Variants in ATIC observed in about 807,000 individuals in gnomAD.
ATIC encodes bifunctional purine biosynthesis protein ATIC.
ATIC carries 64 observed loss-of-function variants against 72.5 expected under a neutral mutation model. That is an observed-to-expected ratio of 0.88 (90% CI 0.72 to 1.09). The LOEUF (loss-of-function observed/expected upper bound fraction) is 1.09. Among genes scored for constraint, ATIC ranks in the 50% least tolerant of loss-of-function variants. ATIC has a pLI of 0.00. For synonymous variants in ATIC, 281 were observed against 267.1 expected (o/e 1.05, Z -0.51); for missense variants, 787 against 732.4 (o/e 1.07, Z -0.86).
intron 2 of ATIC, among the ~76,000 whole-genome samples, chr2:215,317,787 C>G (rs893863908): frequency 1.3e-5 from 2 of 152,070 alleles, no homozygotes; most frequent in Non-Finnish European, 2.9e-5. Context: ...CCGTGCCCGG[C>G]CAAGGATATT....
At chr2:215,332,619 A>G (rs1164555148) in intron 8 of ATIC, 112 bp downstream of exon 8, 7 of 1,366,984 alleles carry the variant, frequency 5.1e-6, no homozygotes, top group Non-Finnish European at 6.9e-6. Context: ...ATGAAATCTG[A>G]AAGTCATCTG....
chr2:215,323,261 T>A (rs1049482082), intron 4 of ATIC, among the ~76,000 whole-genome samples: 21 of 152,190 alleles, frequency 1.4e-4, no homozygotes, highest in East Asian at 3.9e-4. Context: ...TCGTTTTTTT[T>A]ATTCAAGATG....
In ATIC at chr2:215,325,259, C is replaced by G. The variant is rs772678539; in HGVS notation, c.309C>G (p.Leu103=). The G allele has an allele frequency of 1.2e-5, 20 of 1,613,686 alleles. No homozygotes were observed. The highest frequency in any genetic ancestry group is 1.4e-5 in the Non-Finnish European group (16 of 1,179,754). ...TTTATAGAGTTGTTGCCTGCAATCT[C>G]TATCCCTTTGTAAAGACAGTGGCTT... The part of the protein sequence containing the change: ...FNLIRVVACN[L]YPFVKTVASP... The change falls in exon 5 of 16, where the codon CTC becomes CTG. Residue 103 remains leucine (L), a synonymous_variant. Transcript: ENST00000236959.
intron 7 of ATIC, among the ~76,000 whole-genome samples, chr2:215,330,671 C>T (rs1575119120): frequency 6.6e-6 from 1 of 151,994 alleles, no homozygotes. Flanking sequence ...CCTTTCCCTT[C>T]TCCCCAACCC....
At chr2:215,366,448 A>C in the ATIC span, among the ~76,000 whole-genome samples, 2 of 152,310 alleles carry the variant, frequency 1.3e-5, no homozygotes, top group South Asian at 4.1e-4. Context: ...AAGAGTAAAA[A>C]ATGAACCCGG....
In ATIC at chr2:215,325,250, C is replaced by T. The variant is rs774089396; in HGVS notation, c.300C>T (p.Ala100=). The T allele has an allele frequency of 3.1e-6, 5 of 1,613,384 alleles. No individual in the cohort carries two copies. Among genetic ancestry groups the T allele is most frequent in the Admixed American group, 3.3e-5 (2 of 60,004 alleles). ...RLDFNLIRVV[A]CNLYPFVKTV... The stretch of plus-strand genomic sequence containing the variant: ...CGTCTTTGTTTTATAGAGTTGTTGC[C>T]TGCAATCTCTATCCCTTTGTAAAGA... Residue 100 remains alanine (A), a synonymous_variant, in exon 5 of 16, where the codon GCC becomes GCT. Transcript: ENST00000236959.
At chr2:215,358,813 A>G in the ATIC span, among the ~76,000 whole-genome samples, 3 of 152,254 alleles carry the variant, frequency 2.0e-5, no homozygotes, top group Non-Finnish European at 2.9e-5. Context: ...TTACATTTCA[A>G]CATAAAAGTA....
intron 11 of ATIC, among the ~76,000 whole-genome samples, chr2:215,336,982 T>G (rs1014369792): frequency 1.3e-5 from 2 of 152,194 alleles, no homozygotes; most frequent in Admixed American, 1.3e-4. Context: ...GTTTTAACAT[T>G]GTGTGTGGTA....
At chr2:215,361,859 T>TTG in the ATIC span, 1 of 1,440,600 alleles carries the variant, frequency 6.9e-7, no homozygotes. Flanking sequence ...CATTTATGAG[T>TTG]TGTTTTTTTT....
chr2:215,341,934 T>G (rs2053023782), intron 12 of ATIC, among the ~76,000 whole-genome samples: 1 of 152,160 alleles, frequency 6.6e-6, no homozygotes, highest in Non-Finnish European at 1.5e-5. Context: ...TCAGGAATCT[T>G]ATAATCATGG....
chr2:215,338,520 G>A (rs1156693540), intron 11 of ATIC, among the ~76,000 whole-genome samples: 2 of 152,056 alleles, frequency 1.3e-5, no homozygotes, highest in South Asian at 2.1e-4. Context: ...ATACTATTGG[G>A]TAGTAAAATC....
the ATIC span, chr2:215,361,534 C>A: frequency 6.5e-7 from 1 of 1,535,282 alleles, no homozygotes; most frequent in East Asian, 2.2e-5. Context: ...CATGCTTGTT[C>A]CTCTGGATTG....
chr2:215,338,092 TA>T (rs2052976915), intron 11 of ATIC, among the ~76,000 whole-genome samples: 1 of 152,222 alleles, frequency 6.6e-6, no homozygotes, highest in African/African-American at 2.4e-5. Context: ...CAGGGCTTTC[TA>T]AATCAAAGAT....
chr2:215,346,825 A>T lies in ATIC; in HGVS notation c.1387A>T (p.Asn463Tyr). The stretch of plus-strand genomic sequence containing the variant: ...CACTCGCCTTGCAGGAGATAAGGCA[A>T]ACTATTGGTGGCTTAGACACCATCC... ...HCTRLAGDKA[N>Y]YWWLRHHPQV... The change falls in exon 14 of 16, where the codon AAC becomes TAC. Residue 463 changes from asparagine (N) to tyrosine (Y), a missense_variant. Physicochemically the swap from Asn to Tyr is moderately radical, Grantham distance 143. Coordinates refer to ENST00000236959, the MANE Select transcript of ATIC (RefSeq NM_004044.7). 6.2e-7 allele frequency: 1 copy of T among 1,614,214 alleles called. No individual in the cohort carries two copies. The highest frequency in any genetic ancestry group is 8.5e-7 in the Non-Finnish European group (1 of 1,180,044).
intron 4 of ATIC, among the ~76,000 whole-genome samples, chr2:215,321,250 C>A (rs1212683882): frequency 1.3e-5 from 2 of 151,860 alleles, no homozygotes; most frequent in Non-Finnish European, 2.9e-5. Flanking sequence ...TTTTTTTGTT[C>A]CTGGCTTCTT....
intron 7 of ATIC, among the ~76,000 whole-genome samples, chr2:215,331,750 C>G (rs959568881): frequency 9.9e-5 from 15 of 152,080 alleles, no homozygotes; most frequent in African/African-American, 3.4e-4. Context: ...TGTTTATTCA[C>G]AAGAGATACT....
intron 15 of ATIC, 67 bp downstream of exon 15, chr2:215,349,316 G>T (rs1246033959): frequency 1.2e-6 from 2 of 1,608,188 alleles, no homozygotes. Flanking sequence ...CAGAAATCCT[G>T]CTTTTGATTT....
chr2:215,312,591 C>T lies in ATIC; in HGVS notation c.113C>T (p.Ala38Val), dbSNP rs1382466632. ...GLNLVASGGT[A>V]KALRDAGLAV... Reference sequence around the variant, plus strand: ...AATCTGGTCGCTTCCGGAGGGACTGCAAAAGCTCTCAGGGATGCTGGTCTG... The same window carrying T: ...AATCTGGTCGCTTCCGGAGGGACTGTAAAAGCTCTCAGGGATGCTGGTCTG... Residue 38 changes from alanine (A) to valine (V), a missense_variant, in exon 2 of 16, where the codon GCA becomes GTA. Physicochemically the swap from Ala to Val is moderately conservative, Grantham distance 64. Transcript: ENST00000236959. The T allele has an allele frequency of 2.5e-6, 4 of 1,614,210 alleles. No homozygotes were observed. In the South Asian group the frequency reaches 3.3e-5, roughly 13 times the overall value.
chr2:215,324,640 C>T (rs1021987135), intron 4 of ATIC, among the ~76,000 whole-genome samples: 1 of 152,102 alleles, frequency 6.6e-6, no homozygotes, highest in African/African-American at 2.4e-5. Context: ...TAGAGCTCCT[C>T]GCACTACAGG....
Sources: allele counts gnomAD v4.1 joint callset (sites outside exome capture counted in the v4.1 genomes callset), GRCh38; gene constraint gnomAD v4.1.1; transcripts MANE v1.5; gene names NCBI Gene and HGNC (gene_info 2026-07-23, HGNC 2026-07-21).